The following NCL variants were observed in gnomAD, a reference collection of about 807,000 sequenced individuals.
The protein encoded by NCL is nucleolin multifunctional protein.
In NCL, 4 loss-of-function variants were observed where a neutral mutation model predicts 77.7. The ratio of observed to expected loss-of-function variants is 0.05; its 90% CI spans 0.03 to 0.12. The LOEUF is 0.12. Among genes scored for constraint, NCL ranks in the 10% least tolerant of loss-of-function variants. The probability of loss-of-function intolerance (pLI) is 1.00; values close to 1 mark genes in which losing one functional copy is unlikely to be tolerated. For synonymous variants in NCL, 344 were observed against 297.8 expected (o/e 1.16, Z -1.60); for missense variants, 763 against 860.9 (o/e 0.89, Z 1.42).
Position 231,455,135 on chromosome 2 carries a change from T to G in NCL, c.*56A>C. 6.3e-7 allele frequency: 1 copy of G among 1,597,404 alleles called. No homozygotes were observed. The highest frequency in any genetic ancestry group is 8.6e-7 in the Non-Finnish European group (1 of 1,166,110). ...GGCTCTGTCATTGATCAGGTAACAGTAAAAACCCCAGAGTCCTTTCTTTCA... is the reference window on the plus strand; with the variant it reads ...GGCTCTGTCATTGATCAGGTAACAGGAAAAACCCCAGAGTCCTTTCTTTCA... On this transcript the variant is annotated 3_prime_UTR_variant, in exon 14 of 14. Transcript: ENST00000322723.
At chr2:231,462,273 C>T (rs1442556328) in intron 2 of NCL, among the ~76,000 whole-genome samples, 2 of 152,216 alleles carry the variant, frequency 1.3e-5, no homozygotes, top group Non-Finnish European at 2.9e-5. Flanking sequence ...TGAATTCTTA[C>T]ACCTCATACT....
At position 231,461,813 on chromosome 2, in the gene NCL, G is replaced by C. The variant is rs1385507296; in HGVS notation, c.340C>G (p.Pro114Ala). The stretch of plus-strand genomic sequence containing the variant: ...GGAGTTGCTACCAATGCTTTGCCTG[G>C]TGTGGCTCCCTTCTTGCCAGGTGTG... ...VTTPGKKGAT[P>A]GKALVATPGK... The change falls in exon 3 of 14, where the codon CCA becomes GCA. Residue 114 changes from proline (P) to alanine (A), a missense_variant. This residue lies in a region of NCL where 590 missense variants were observed against 570.5 expected (regional missense o/e 1.03). Transcript: ENST00000322723. 6.2e-7 allele frequency: 1 copy of C among 1,613,484 alleles called. No homozygotes were observed. Among genetic ancestry groups the C allele is most frequent in the East Asian group, 2.2e-5 (1 of 44,890 alleles).
At chr2:231,455,832 G>A (rs1486521151) in intron 12 of NCL, 178 bp downstream of exon 12, 2 of 1,230,456 alleles carry the variant, frequency 1.6e-6, no homozygotes, top group Non-Finnish European at 1.2e-6. Context: ...ATATACCTCT[G>A]TAAAGACAGA....
At position 231,456,039 on chromosome 2, in the gene NCL, A is replaced by T. The variant is rs1274433414; in HGVS notation, c.1803T>A (p.Val601=). 6.2e-7 allele frequency: 1 copy of T among 1,614,202 alleles called. No individual in the cohort carries two copies. The highest frequency in any genetic ancestry group is 1.7e-5 in the Admixed American group (1 of 60,026). Residue 601 remains valine (V), a synonymous_variant, in exon 12 of 14, where the codon GTT becomes GTA. Coordinates refer to ENST00000322723, the MANE Select transcript of NCL (RefSeq NM_005381.3). ...TGGAGGACCCAGTTTCCCGGTCAGT[A>T]ACTATCCTTGCCCGAACGGAGCCGT... ...SFDGSVRARI[V]TDRETGSSKG... is the part of the protein sequence containing the mutation.
intron 1 of NCL, chr2:231,464,109 C>G (rs1308869282): frequency 2.9e-6 from 4 of 1,371,984 alleles, no homozygotes; most frequent in Non-Finnish European, 3.8e-6. Flanking sequence ...CTCAGTGACT[C>G]TGTCTTTCCC....
chr2:231,454,981 C>CACTCA lies in NCL; in HGVS notation c.*205_*209dup, dbSNP rs771729257. 5.5e-4 allele frequency: 296 copies of CACTCA among 538,602 alleles called. No homozygotes were observed. The highest frequency in any genetic ancestry group is 8.0e-4 in the Non-Finnish European group (243 of 303,492). 33.4% of individuals were successfully genotyped at this position (538,602 alleles called of 1,614,324 possible). Reference sequence around the variant, plus strand: ...ACTTACAGATAAGGGTTAGCTCTATCACTCAACTCTTTAAAAAGTTTATAT... The same window carrying CACTCA: ...ACTTACAGATAAGGGTTAGCTCTATCACTCAACTCAACTCTTTAAAAAGTTTATAT... On this transcript the variant is annotated 3_prime_UTR_variant, in exon 14 of 14. Transcript: ENST00000322723.
At chr2:231,456,403 C>A in intron 11 of NCL, 1 of 963,260 alleles carries the variant, frequency 1.0e-6, no homozygotes. Context: ...GTGGATGGGG[C>A]AGGAAATCAT....
rs560106329 is a variant in NCL, at chr2:231,454,963, G to A, written c.*228C>T. ...AAACAATATAAATTCAAAACTTACAGATAAGGGTTAGCTCTATCACTCAAC... is the reference window on the plus strand; with the variant it reads ...AAACAATATAAATTCAAAACTTACAAATAAGGGTTAGCTCTATCACTCAAC... On this transcript the variant is annotated 3_prime_UTR_variant, in exon 14 of 14. Coordinates refer to ENST00000322723, the MANE Select transcript of NCL (RefSeq NM_005381.3). The A allele has an allele frequency of 2.2e-6, 1 of 447,380 alleles. No homozygotes were observed. Among genetic ancestry groups the A allele is most frequent in the Admixed American group, 3.6e-5 (1 of 27,740 alleles). The allele number at this position is 447,380 out of a possible 1,614,324, so 27.7% of individuals were successfully genotyped here. A position where few individuals can be genotyped will look rare whatever the true frequency, so the allele number is the denominator to read the frequency against.
intron 2 of NCL, chr2:231,462,911 G>A (rs2046965789): frequency 2.7e-6 from 1 of 365,244 alleles, no homozygotes; most frequent in Non-Finnish European, 5.1e-6. Context: ...TGGGGGTGAG[G>A]CTAACATGTT....
At chr2:231,458,163 C>G in intron 8 of NCL, 103 bp downstream of exon 8, 1 of 1,471,520 alleles carries the variant, frequency 6.8e-7, no homozygotes, top group Non-Finnish European at 9.2e-7. Flanking sequence ...GTTAAACTGT[C>G]CAAGATTACA....
intron 2 of NCL, 78 bp downstream of exon 2, chr2:231,463,122 C>T: frequency 9.2e-7 from 1 of 1,082,908 alleles, no homozygotes; most frequent in Admixed American, 2.4e-5. Flanking sequence ...TTATTTTTGC[C>T]ACAGATATCC....
At position 231,464,421 on chromosome 2, in the gene NCL, G is replaced by C; in HGVS notation, c.-68C>G. 6.4e-7 allele frequency: 1 copy of C among 1,561,054 alleles called. No individual in the cohort carries two copies. Among genetic ancestry groups the C allele is most frequent in the East Asian group, 2.4e-5 (1 of 41,988 alleles). ...CCAGAAGAAGCCAAGCGACGGCGAT[G>C]GCGGCCGCGGGTGCTGAAGATCCCG... On this transcript the variant is annotated 5_prime_UTR_variant, in exon 1 of 14. Coordinates refer to ENST00000322723, the MANE Select transcript of NCL (RefSeq NM_005381.3).
Position 231,456,130 on chromosome 2 carries a change from G to A in NCL, c.1712C>T (p.Ser571Phe), listed in dbSNP as rs756859655. 6.2e-7 allele frequency: 1 copy of A among 1,606,962 alleles called. No homozygotes were observed. The highest frequency in any genetic ancestry group is 1.7e-5 in the Admixed American group (1 of 59,330). The change falls in exon 12 of 14, where the codon TCC becomes TTC. Residue 571 changes from serine to phenylalanine, a missense_variant. Around this residue, in one of 2 missense-constraint regions of NCL, gnomAD observed 173 missense variants for 290.4 expected, o/e 0.60. Coordinates refer to ENST00000322723, the MANE Select transcript of NCL (RefSeq NM_005381.3). Reference protein sequence around the residue: ...RGSPNARSQPSKTLFVKGLSE... With the variant: ...RGSPNARSQPFKTLFVKGLSE... ...CAGGCCTTTGACAAACAGAGTTTTG[G>A]ATGGCTCTGGGAAGGAAAAAAAAAT...
rs778923112 is a variant in NCL, at chr2:231,455,439, C to G, written c.2018G>C (p.Arg673Pro). 1 of 1,614,144 alleles carries G rather than the reference C, an allele frequency of 6.2e-7. No homozygotes were observed. The highest frequency in any genetic ancestry group is 8.5e-7 in the Non-Finnish European group (1 of 1,180,016). Residue 673 changes from arginine to proline, a missense_variant, in exon 13 of 14, where the codon CGA (arginine) becomes CCA (proline). By Grantham distance (103) the Arg-to-Pro change is moderately radical. Transcript: ENST00000322723. Reference protein sequence around the residue: ...FGGRGGGRGGRGGFGGRGRGG... With the variant: ...FGGRGGGRGGPGGFGGRGRGG... ...CCGGCCTCTGCCACCAAATCCTCCT[C>G]GGCCTCCTCTACCACCACCTCGTCC...
chr2:231,460,483 A>G lies in NCL; in HGVS notation c.893T>C (p.Val298Ala). 2.5e-6 allele frequency: 4 copies of G among 1,613,834 alleles called. No homozygotes were observed. Among genetic ancestry groups the G allele is most frequent in the Non-Finnish European group, 1.7e-6 (2 of 1,179,818 alleles). The change falls in exon 5 of 14, where the codon GTG (valine) becomes GCG (alanine). Residue 298 changes from valine (V) to alanine (A), a missense_variant. Around this residue, in one of 2 missense-constraint regions of NCL, gnomAD observed 590 missense variants for 570.5 expected, o/e 1.03. Transcript: ENST00000322723. ...CCCCTAATTCTGCAAGTTACCTTCC[A>G]CTTTCTGTTTCTTGGCTTCAGGAGC... is the stretch of plus-strand genomic sequence containing the variant. ...KAAPEAKKQKVEGTEPTTAFN... is the reference protein window; with the variant it reads ...KAAPEAKKQKAEGTEPTTAFN...
rs1157427125 is a variant in NCL at position 231,454,421 on chromosome 2, C to T, written c.*770G>A. 6.6e-6 allele frequency: 1 copy of T among 152,420 alleles called. No homozygotes were observed. Among genetic ancestry groups the T allele is most frequent in the East Asian group, 1.9e-4 (1 of 5,204 alleles). 9.4% of individuals were successfully genotyped at this position (152,420 alleles called of 1,614,324 possible). A position where few individuals can be genotyped will look rare whatever the true frequency, so the allele number is the denominator to read the frequency against. ...TCGGCCTCCCCAAGTGTTGGGATTA[C>T]AGGAGTTAGCCACTGCTCTTCCCTG... is the stretch of plus-strand genomic sequence containing the variant. On this transcript the variant is annotated 3_prime_UTR_variant, in exon 14 of 14. Coordinates refer to ENST00000322723, the MANE Select transcript of NCL (RefSeq NM_005381.3).
intron 5 of NCL, 51 bp from the exon 6 acceptor site, chr2:231,460,344 G>C (rs1377103516): frequency 3.1e-6 from 5 of 1,612,812 alleles, no homozygotes; most frequent in Non-Finnish European, 4.2e-6. Context: ...TAAAAAGTTA[G>C]TTTCCAAAGC....
chr2:231,464,042 C>G (rs1339289124), intron 1 of NCL: 2 of 1,123,258 alleles, frequency 1.8e-6, no homozygotes, highest in African/African-American at 3.2e-5. Flanking sequence ...AGCTCGTACG[C>G]GTCGCAAAAG....
chr2:231,457,353 A>AAACAGACCAG, intron 9 of NCL: 1 of 775,552 alleles, frequency 1.3e-6, no homozygotes, highest in Non-Finnish European at 2.3e-6. Flanking sequence ...TTTTCCTAGA[A>AAACAGACCAG]TCATCTGAGT....
Sources: gnomAD v4.1 joint callset for allele counts (sites outside exome capture counted in the v4.1 genomes callset) on GRCh38, gnomAD v4.1.1 for gene constraint, gnomAD v4.1.1 regional missense constraint, MANE v1.5 for transcripts, NCBI Gene and HGNC (gene_info 2026-07-23, HGNC 2026-07-21) for gene names.